The following GIGYF1 variants were observed in gnomAD, a reference collection of about 807,000 sequenced individuals.
The protein encoded by GIGYF1 is GRB10-interacting GYF protein 1.
GIGYF1 carries 84 observed loss-of-function variants against 147.1 expected under a neutral mutation model. The ratio of observed to expected loss-of-function variants is 0.57; its 90% CI spans 0.48 to 0.68. The LOEUF (loss-of-function observed/expected upper bound fraction) is 0.68, where lower values mean the gene tolerates loss of function less well. Ranked by LOEUF, GIGYF1 falls within the 30% of genes least tolerant of loss-of-function variation. The pLI, the probability that GIGYF1 is intolerant of heterozygous loss-of-function variation, is 0.00. For missense variants in GIGYF1, 1,485 were observed against 1,393.7 expected (o/e 1.07, Z -1.04); for synonymous variants, 752 against 589.5 (o/e 1.28, Z -3.99).
intron 12 of GIGYF1, among the ~76,000 whole-genome samples, 181 bp downstream of exon 12, chr7:100,685,793 G>A (rs1006136126): frequency 6.6e-6 from 1 of 152,172 alleles, no homozygotes; most frequent in Admixed American, 6.5e-5. Context: ...TTTCTATCTG[G>A]TACACTGCCT....
At chr7:100,690,382 C>T (rs1562887276) in intron 1 of GIGYF1, among the ~76,000 whole-genome samples, 1 of 152,154 alleles carries the variant, frequency 6.6e-6, no homozygotes, top group Non-Finnish European at 1.5e-5. Context: ...ATGGCTTATG[C>T]CTATAATCCC....
Position 100,684,255 on chromosome 7 carries a change from A to T in GIGYF1, c.1712T>A (p.Phe571Tyr). The T allele has an allele frequency of 6.2e-7, 1 of 1,609,914 alleles. No homozygotes were observed. The highest frequency in any genetic ancestry group is 8.5e-7 in the Non-Finnish European group (1 of 1,178,942). Residue 571 changes from phenylalanine (F) to tyrosine (Y), a missense_variant, in exon 17 of 27, where the codon TTT (phenylalanine) becomes TAT (tyrosine). By Grantham distance (22) the Phe-to-Tyr change is conservative. Transcript: ENST00000678049. ...CCCATACCTGCTGACCAGCTGGAGAAACTGCTGGTGCTGCAGCTGCTGGTA... is the reference window on the plus strand; with the variant it reads ...CCCATACCTGCTGACCAGCTGGAGATACTGCTGGTGCTGCAGCTGCTGGTA... ...ALYQQLQHQQ[F>Y]LQLVSSRQLP...
chr7:100,682,489 G>C lies in GIGYF1; in HGVS notation c.2601-7C>G, dbSNP rs1017712307. 6.2e-6 allele frequency: 10 copies of C among 1,610,690 alleles called. No individual in the cohort carries two copies. The highest frequency in any genetic ancestry group is 1.1e-5 in the South Asian group (1 of 91,068). ...TAGGTGGCTGTATGAGTCACTGAAG[G>C]GGGAGGGTGAGTCAGGGTTGGAAAT... On this transcript the variant is annotated splice_polypyrimidine_tract_variant and splice_region_variant and intron_variant, in intron 23 of 26. Coordinates refer to ENST00000678049, the MANE Select transcript of GIGYF1 (RefSeq NM_001375765.1).
At chr7:100,692,735 G>A (rs1805920826) in intron 1 of GIGYF1, among the ~76,000 whole-genome samples, 1 of 152,188 alleles carries the variant, frequency 6.6e-6, no homozygotes, top group Non-Finnish European at 1.5e-5. Flanking sequence ...GGGACCCTCA[G>A]GGCCCCTGGT....
rs755281077 is a variant in GIGYF1, at chr7:100,687,976, C to T, written c.165+5G>A. On this transcript the variant is annotated splice_donor_5th_base_variant and intron_variant, in intron 5 of 26. Transcript: ENST00000678049. Reference sequence around the variant, plus strand: ...ACCGCCAACCCCCCTCGCCCACGCACCCACCTTGTTCTCCTTGACGTAGAG... The same window carrying T: ...ACCGCCAACCCCCCTCGCCCACGCATCCACCTTGTTCTCCTTGACGTAGAG... The T allele has an allele frequency of 6.2e-7, 1 of 1,610,924 alleles. No homozygotes were observed. Among genetic ancestry groups the T allele is most frequent in the Non-Finnish European group, 8.5e-7 (1 of 1,177,792 alleles).
At chr7:100,692,684 CAGA>C (rs1805916758) in intron 1 of GIGYF1, among the ~76,000 whole-genome samples, 1 of 152,176 alleles carries the variant, frequency 6.6e-6, no homozygotes, top group Non-Finnish European at 1.5e-5. Flanking sequence ...AAAGCTAGTC[CAGA>C]AGTTTAAGCA....
At chr7:100,693,765 C>T (rs900915788) in intron 1 of GIGYF1, among the ~76,000 whole-genome samples, 12 of 151,738 alleles carry the variant, frequency 7.9e-5, no homozygotes, top group Non-Finnish European at 1.3e-4. Flanking sequence ...AGCGCGCCGG[C>T]CCGGGAGGAC....
At chr7:100,686,981 G>C (rs1232166112) in intron 9 of GIGYF1, 25 bp downstream of exon 9, 1 of 1,613,596 alleles carries the variant, frequency 6.2e-7, no homozygotes, top group Admixed American at 1.7e-5. Flanking sequence ...TGCCGCCCCG[G>C]CCGCCGCCCT....
At position 100,681,516 on chromosome 7, in the gene GIGYF1, TAAAAAG is replaced by T. The variant is rs1804755855; in HGVS notation, c.*197_*202del. 1 of 399,854 alleles carries T rather than the reference TAAAAAG, an allele frequency of 2.5e-6. No individual in the cohort carries two copies. Among genetic ancestry groups the T allele is most frequent in the African/African-American group, 2.2e-5 (1 of 45,830 alleles). The allele number at this position is 399,854 out of a possible 1,614,324, so 24.8% of individuals were successfully genotyped here. On this transcript the variant is annotated 3_prime_UTR_variant, in exon 27 of 27. Coordinates refer to ENST00000678049, the MANE Select transcript of GIGYF1 (RefSeq NM_001375765.1). ...AGTCGTTTAAAATTAAAAAAAAAAA[TAAAAAG>T]AAAAACCCCCTCCCCCAGTCTGTAA...
In GIGYF1 at chr7:100,683,225, C is replaced by T. The variant is rs1297676647; in HGVS notation, c.2199G>A (p.Arg733=). The T allele has an allele frequency of 1.9e-6, 3 of 1,611,812 alleles. No homozygotes were observed. Among genetic ancestry groups the T allele is most frequent in the Non-Finnish European group, 2.5e-6 (3 of 1,179,974 alleles). The part of the protein sequence containing the change: ...EEELFRRKHV[R]QQELLLKLLQ... ...GCAACTTCAGCAATAGCTCCTGCTGCCGCACCTAAGAGGGGGACATGGTGA... is the reference window on the plus strand; with the variant it reads ...GCAACTTCAGCAATAGCTCCTGCTGTCGCACCTAAGAGGGGGACATGGTGA... The change falls in exon 22 of 27, where the codon CGG becomes CGA. Residue 733 remains arginine, a synonymous_variant. Transcript: ENST00000678049.
chr7:100,688,137 C>CA (rs1268501542), intron 4 of GIGYF1, 27 bp from the exon 5 acceptor site: 1 of 1,605,492 alleles, frequency 6.2e-7, no homozygotes, highest in East Asian at 2.2e-5. Context: ...GAGAAGAAGA[C>CA]AGAGGTCAGG....
chr7:100,683,253 G>T, intron 21 of GIGYF1, 23 bp from the exon 22 acceptor site: 1 of 1,613,110 alleles, frequency 6.2e-7, no homozygotes, highest in Non-Finnish European at 8.5e-7. Flanking sequence ...CATGGTGAGG[G>T]GACCTGGCGA....
chr7:100,685,187 G>T, intron 13 of GIGYF1, 41 bp from the exon 14 acceptor site: 1 of 1,532,364 alleles, frequency 6.5e-7, no homozygotes, highest in Non-Finnish European at 8.9e-7. Flanking sequence ...AGGGCGGGGA[G>T]GAGACAAGAT....
Position 100,684,110 on chromosome 7 carries a change from T to G in GIGYF1, c.1778A>C (p.Asp593Ala). The G allele has an allele frequency of 6.2e-7, 1 of 1,606,882 alleles. No individual in the cohort carries two copies. Among genetic ancestry groups the G allele is most frequent in the Non-Finnish European group, 8.5e-7 (1 of 1,179,462 alleles). The change falls in exon 18 of 27, where the codon GAC (aspartate) becomes GCC (alanine). Residue 593 changes from aspartate to alanine, a missense_variant. Transcript: ENST00000678049. ...CGGCGGCGGTGGTGGCGGTGTCAGG[T>G]CCCCCAGAGCTGCCTTTTCTCGGAG... ...CALREKAALGDLTPPPPPPPQ... is the reference protein window; with the variant it reads ...CALREKAALGALTPPPPPPPQ...
Position 100,682,341 on chromosome 7 carries a change from G to A in GIGYF1, c.2742C>T (p.Ser914=), listed in dbSNP as rs761405866. 13 of 1,612,594 alleles carry A rather than the reference G, an allele frequency of 8.1e-6. No homozygotes were observed. The highest frequency in any genetic ancestry group is 4.0e-5 in the African/African-American group (3 of 74,914). The change falls in exon 24 of 27, where the codon AGC becomes AGT. Residue 914 remains serine, a synonymous_variant. Coordinates refer to ENST00000678049, the MANE Select transcript of GIGYF1 (RefSeq NM_001375765.1). ...GCCCACCGTCCAGGCTGCCCGTGGCGCTCAGCGTGTGCAGCATCTGCTCGC... is the reference window on the plus strand; with the variant it reads ...GCCCACCGTCCAGGCTGCCCGTGGCACTCAGCGTGTGCAGCATCTGCTCGC... The part of the protein sequence containing the change: ...QWCEQMLHTL[S]ATGSLDVPMA...
Position 100,686,389 on chromosome 7 carries a change from G to T in GIGYF1, c.739C>A (p.Arg247=). Residue 247 remains arginine, a synonymous_variant, in exon 11 of 27, where the codon CGG becomes AGG. Coordinates refer to ENST00000678049, the MANE Select transcript of GIGYF1 (RefSeq NM_001375765.1). ...SAGWREHGER[R]RKFEFDLRGD... ...CGCAAATCAAATTCAAACTTGCGCC[G>T]CCGTTCCCCATGTTCCCGCCAGCCA... is the stretch of plus-strand genomic sequence containing the variant. 1 of 1,606,316 alleles carries T rather than the reference G, an allele frequency of 6.2e-7. No individual in the cohort carries two copies. The highest frequency in any genetic ancestry group is 8.5e-7 in the Non-Finnish European group (1 of 1,176,974).
chr7:100,689,706 A>G (rs1805675233), intron 1 of GIGYF1, among the ~76,000 whole-genome samples, 151 bp from the exon 2 acceptor site: 1 of 152,200 alleles, frequency 6.6e-6, no homozygotes. Flanking sequence ...ACCCAAGGCC[A>G]GGCTGGCCTC....
rs200383064 is a variant in GIGYF1, at chr7:100,682,316, G to C, written c.2761+6C>G. The C allele has an allele frequency of 1.9e-6, 3 of 1,610,928 alleles. No individual in the cohort carries two copies. Among genetic ancestry groups the C allele is most frequent in the Non-Finnish European group, 2.5e-6 (3 of 1,179,374 alleles). The stretch of plus-strand genomic sequence containing the variant: ...CCCGCCCACCTCCTGGGAGCCGCTC[G>C]CCCACCGTCCAGGCTGCCCGTGGCG... On this transcript the variant is annotated splice_donor_region_variant and intron_variant, in intron 24 of 26. Coordinates refer to ENST00000678049, the MANE Select transcript of GIGYF1 (RefSeq NM_001375765.1).
rs181333500 is a variant in GIGYF1, at chr7:100,686,635, G to T, written c.694+14C>A. The T allele has an allele frequency of 2.5e-6, 4 of 1,604,984 alleles. No homozygotes were observed. The highest frequency in any genetic ancestry group is 3.4e-5 in the Admixed American group (2 of 58,602). ...CCCACTGCCCCCGCCAATGCTACCA[G>T]GCCCCAATCTCACCAGGGCTGGCGG... On this transcript the variant is annotated intron_variant, in intron 10 of 26. Coordinates refer to ENST00000678049, the MANE Select transcript of GIGYF1 (RefSeq NM_001375765.1).
Sources: gnomAD v4.1 joint callset for allele counts (sites outside exome capture counted in the v4.1 genomes callset) on GRCh38, gnomAD v4.1.1 for gene constraint, MANE v1.5 for transcripts, NCBI Gene and HGNC (gene_info 2026-07-23, HGNC 2026-07-21) for gene names.